Variants in FRA10AC1 observed in about 807,000 individuals in gnomAD.
The protein encoded by FRA10AC1 is FRA10A associated CGG repeat 1.
A neutral mutation model predicts 56.5 loss-of-function variants in FRA10AC1; 43 were observed. That is an observed-to-expected ratio of 0.76 (90% CI 0.60 to 0.98). The LOEUF is 0.98. FRA10AC1 is among the 50% of genes least tolerant of loss of function. The pLI is 0.00. For synonymous variants in FRA10AC1, 112 were observed against 110.5 expected, an observed-to-expected ratio of 1.01 and a Z score of -0.09; for missense variants, 346 against 351.8, an observed-to-expected ratio of 0.98 and a Z score of 0.13.
intron 10 of FRA10AC1, among the ~76,000 whole-genome samples, chr10:93,682,367 AT>A (rs1196450599): frequency 6.6e-6 from 1 of 152,226 alleles, no homozygotes; most frequent in East Asian, 1.9e-4. Context: ...TATTTAATGC[AT>A]TAACCACTTT....
chr10:93,677,331 G>C (rs12785022), intron 11 of FRA10AC1, among the ~76,000 whole-genome samples: 61,758 of 152,024 alleles, frequency 0.41, 14,683 homozygotes, highest in Non-Finnish European at 0.52. Flanking sequence ...GCAGGTGACA[G>C]ATGGACAGTA....
At position 93,667,920 on chromosome 10, in the gene FRA10AC1, G is replaced by T. The variant is rs1471811693; in HGVS notation, c.*1906C>A. The T allele has an allele frequency of 6.6e-6, 1 of 152,100 alleles. No individual in the cohort carries two copies. Among genetic ancestry groups the T allele is most frequent in the African/African-American group, 2.4e-5 (1 of 41,402 alleles). The allele number at this position is 152,100 out of a possible 1,614,324, so 9.4% of individuals were successfully genotyped here. A position where few individuals can be genotyped will look rare whatever the true frequency, so the allele number is the denominator to read the frequency against. ...AAACAATTTATTCAAGAAGTGAGGG[G>T]ACTATCAAACAATGTTAAACACTGA... is the stretch of plus-strand genomic sequence containing the variant. On this transcript the variant is annotated 3_prime_UTR_variant, in exon 14 of 14. Transcript: ENST00000359204.
At chr10:93,675,616 A>T (rs2058827939) in intron 12 of FRA10AC1, 1 of 308,636 alleles carries the variant, frequency 3.2e-6, no homozygotes, top group Admixed American at 3.2e-5. Context: ...GAGGCAGGAG[A>T]ATCACTTGAA....
rs1335823133 is a variant in FRA10AC1 at position 93,681,568 on chromosome 10, T to C, written c.699A>G (p.Lys233=). 6.4e-7 allele frequency: 1 copy of C among 1,551,610 alleles called. No homozygotes were observed. Among genetic ancestry groups the C allele is most frequent in the African/African-American group, 1.4e-5 (1 of 71,242 alleles). The part of the protein sequence containing the change: ...RRKEIKSKKR[K]DKTKKDCEES... ...CTTCACAGTCTTTTTTGGTTTTATC[T>C]TTTCTTTTTTTTGACTTGATTTCTT... Residue 233 remains lysine (K), a synonymous_variant, in exon 11 of 14, where the codon AAA becomes AAG. Coordinates refer to ENST00000359204, the MANE Select transcript of FRA10AC1 (RefSeq NM_145246.5).
At chr10:93,670,638 C>A in intron 13 of FRA10AC1, 132 bp downstream of exon 13, 1 of 532,486 alleles carries the variant, frequency 1.9e-6, no homozygotes, top group Non-Finnish European at 3.3e-6. Context: ...AAGCTCTAAT[C>A]TTACCAGGCT....
At chr10:93,681,959 C>T (rs1469408561) in intron 10 of FRA10AC1, among the ~76,000 whole-genome samples, 1 of 151,956 alleles carries the variant, frequency 6.6e-6, no homozygotes, top group Non-Finnish European at 1.5e-5. Context: ...TAATCCATAT[C>T]CACCTACATG....
At chr10:93,693,576 C>T (rs1460139663) in intron 5 of FRA10AC1, among the ~76,000 whole-genome samples, 4 of 139,470 alleles carry the variant, frequency 2.9e-5, no homozygotes, top group African/African-American at 8.1e-5. Flanking sequence ...TATATATATA[C>T]ACACCATATA....
At chr10:93,683,691 C>CT (rs754143469) in intron 10 of FRA10AC1, among the ~76,000 whole-genome samples, 6 of 152,104 alleles carry the variant, frequency 3.9e-5, no homozygotes, top group Non-Finnish European at 7.4e-5. Flanking sequence ...GTGTCTAATC[C>CT]TTTGTAAGAA....
intron 9 of FRA10AC1, among the ~76,000 whole-genome samples, chr10:93,684,693 C>G (rs892060608): frequency 2.0e-5 from 3 of 152,034 alleles, no homozygotes; most frequent in Non-Finnish European, 4.4e-5. Context: ...GCTAGAGGAA[C>G]AGCTGACACA....
At chr10:93,693,527 ACAC>A (rs2059168541) in intron 5 of FRA10AC1, among the ~76,000 whole-genome samples, 1 of 11,878 alleles carries the variant, frequency 8.4e-5, no homozygotes, top group Admixed American at 6.9e-4. Flanking sequence ...ATATATATAT[ACAC>A]CATATATATA....
In FRA10AC1 at chr10:93,675,664, C is replaced by T. The variant is rs928132857; in HGVS notation, c.826+989G>A. On this transcript the variant is annotated intron_variant, in intron 12 of 13. Coordinates refer to ENST00000359204, the MANE Select transcript of FRA10AC1 (RefSeq NM_145246.5). ...GGGCTGCAGTCAGCTGAGATCGCGC[C>T]ACTGCACTCCAACCTGGGTGAAAGA... 27 of 374,104 alleles carry T rather than the reference C, an allele frequency of 7.2e-5. 1 individual carries two copies. The highest frequency in any genetic ancestry group is 5.0e-4 in the African/African-American group (24 of 47,780). 23.2% of individuals were successfully genotyped at this position (374,104 alleles called of 1,614,324 possible).
At chr10:93,685,456 A>G in intron 8 of FRA10AC1, 97 bp from the exon 9 acceptor site, 1 of 625,694 alleles carries the variant, frequency 1.6e-6, no homozygotes, top group Non-Finnish European at 2.8e-6. Flanking sequence ...AAAATATGCA[A>G]ATTAACCATA....
chr10:93,698,246 C>A, intron 3 of FRA10AC1, 55 bp downstream of exon 3: 1 of 1,505,966 alleles, frequency 6.6e-7, no homozygotes, highest in South Asian at 1.2e-5. Context: ...TAATCAAATC[C>A]CCTAATCCGA....
intron 7 of FRA10AC1, among the ~76,000 whole-genome samples, chr10:93,690,120 A>G (rs952054364): frequency 3.3e-5 from 5 of 152,202 alleles, no homozygotes; most frequent in Non-Finnish European, 7.3e-5. Flanking sequence ...ACTGAATAAT[A>G]CATTGTCTTT....
At chr10:93,692,819 A>T in intron 5 of FRA10AC1, 90 bp from the exon 6 acceptor site, 1 of 661,290 alleles carries the variant, frequency 1.5e-6, no homozygotes, top group South Asian at 2.2e-5. Context: ...AAATTTTATT[A>T]AAAATATAAT....
chr10:93,702,427 T>G lies in FRA10AC1; in HGVS notation c.-53A>C, dbSNP rs1031482435. 2 of 165,928 alleles carry G rather than the reference T, an allele frequency of 1.2e-5. No homozygotes were observed. Among genetic ancestry groups the G allele is most frequent in the Non-Finnish European group, 2.6e-5 (2 of 76,966 alleles). 10.3% of individuals were successfully genotyped at this position (165,928 alleles called of 1,614,324 possible). On this transcript the variant is annotated 5_prime_UTR_variant, in exon 1 of 14. Transcript: ENST00000359204. ...TTCGCCCCCGGAGTCGTCGTTTCCT[T>G]CTTTCCCGGCAGCTGCAGCGACGAC...
intron 2 of FRA10AC1, among the ~76,000 whole-genome samples, chr10:93,699,425 G>T (rs1391797677): frequency 6.6e-6 from 1 of 152,116 alleles, no homozygotes; most frequent in South Asian, 2.1e-4. Flanking sequence ...CTGAGTCAAA[G>T]TATAAAACTG....
At chr10:93,701,849 T>G (rs1199456384) in intron 1 of FRA10AC1, among the ~76,000 whole-genome samples, 1 of 152,032 alleles carries the variant, frequency 6.6e-6, no homozygotes, top group Non-Finnish European at 1.5e-5. Context: ...TTTCACTGCT[T>G]GGCTCTGCAC....
chr10:93,675,314 T>G (rs1008729661), intron 12 of FRA10AC1: 24 of 152,226 alleles, frequency 1.6e-4, no homozygotes. Context: ...TATTTGAGTT[T>G]TGAAATTTAG....
Sources: gnomAD v4.1 joint callset for allele counts (sites outside exome capture counted in the v4.1 genomes callset) on GRCh38, gnomAD v4.1.1 for gene constraint, MANE v1.5 for transcripts, NCBI Gene and HGNC (gene_info 2026-07-23, HGNC 2026-07-21) for gene names.